Variants in TENM2 observed in about 807,000 individuals in gnomAD.
TENM2 encodes teneurin transmembrane protein 2.
A neutral mutation model predicts 245.2 loss-of-function variants in TENM2; 52 were observed. The ratio of observed to expected loss-of-function variants is 0.21; its 90% CI spans 0.17 to 0.27. TENM2 has a LOEUF of 0.27. Ranked by LOEUF, TENM2 falls within the 10% of genes least tolerant of loss-of-function variation. The pLI is 1.00. For synonymous variants in TENM2, 1,363 were observed against 1,438.9 expected (o/e 0.95, Z 1.19); for missense variants, 3,046 against 3,666.8 (o/e 0.83, Z 4.37).
intron 1 of TENM2, among the ~76,000 whole-genome samples, chr5:167,346,923 C>T (rs181460306): frequency 6.6e-5 from 10 of 152,140 alleles, no homozygotes; most frequent in South Asian, 6.2e-4. Flanking sequence ...TACAGGTGTA[C>T]GCCTCCACAC....
At chr5:168,127,323 T>C (rs554853805) in intron 12 of TENM2, among the ~76,000 whole-genome samples, 1 of 152,326 alleles carries the variant, frequency 6.6e-6, no homozygotes, top group South Asian at 2.1e-4. Context: ...CTCAGCTGGC[T>C]GGATCACTGG....
intron 2 of TENM2, among the ~76,000 whole-genome samples, chr5:167,733,212 C>T (rs1161596200): frequency 1.3e-5 from 2 of 152,120 alleles, no homozygotes; most frequent in Admixed American, 1.3e-4. Flanking sequence ...CTCCTCATCT[C>T]CTTGCCAATA....
intron 2 of TENM2, among the ~76,000 whole-genome samples, chr5:167,577,281 C>T (rs1434635604): frequency 1.3e-5 from 2 of 152,170 alleles, no homozygotes; most frequent in African/African-American, 4.8e-5. Flanking sequence ...ATTACAAAAG[C>T]ACTTGCAGAC....
At chr5:168,080,945 G>C (rs4976568) in intron 7 of TENM2, among the ~76,000 whole-genome samples, 11,214 of 152,194 alleles carry the variant, frequency 0.074, 844 homozygotes, top group East Asian at 0.33. Context: ...TGTCTATTAG[G>C]TCTACTTGGT....
At chr5:167,721,355 A>T (rs1315491614) in intron 2 of TENM2, 1 of 152,222 alleles carries the variant, frequency 6.6e-6, no homozygotes, top group African/African-American at 2.4e-5. Flanking sequence ...ATAACAGATT[A>T]CCACCAACAG....
chr5:168,222,841 G>A (rs1032633936), intron 23 of TENM2, among the ~76,000 whole-genome samples: 1 of 152,152 alleles, frequency 6.6e-6, no homozygotes, highest in Non-Finnish European at 1.5e-5. Context: ...GCTAGCATGA[G>A]TGCAAGAATT....
At chr5:167,894,495 A>G (rs1334359259) in intron 3 of TENM2, among the ~76,000 whole-genome samples, 4 of 152,134 alleles carry the variant, frequency 2.6e-5, no homozygotes, top group Non-Finnish European at 5.9e-5. Flanking sequence ...CTTTGGAAAC[A>G]TCCAAACTCT....
chr5:167,305,110 G>A (rs893689680), intron 1 of TENM2, among the ~76,000 whole-genome samples: 2 of 152,090 alleles, frequency 1.3e-5, no homozygotes, highest in Non-Finnish European at 2.9e-5. Context: ...CTTTCCCCCT[G>A]TGCGATTTCT....
chr5:167,863,775 C>G (rs1168343701), intron 2 of TENM2, among the ~76,000 whole-genome samples: 1 of 152,128 alleles, frequency 6.6e-6, no homozygotes, highest in Non-Finnish European at 1.5e-5. Context: ...AGCTAGGTAG[C>G]CACAATAAAG....
chr5:168,261,989 C>T, intron 28 of TENM2, 60 bp from the exon 31 acceptor site: 1 of 1,539,866 alleles, frequency 6.5e-7, no homozygotes, highest in South Asian at 1.2e-5. Context: ...CTTTGTGACT[C>T]TTTTTGAGAG....
At chr5:167,803,208 G>A (rs747914346) in intron 2 of TENM2, among the ~76,000 whole-genome samples, 1 of 152,072 alleles carries the variant, frequency 6.6e-6, no homozygotes, top group Non-Finnish European at 1.5e-5. Flanking sequence ...CCATTTACAC[G>A]GGAGGAAACA....
intron 2 of TENM2, among the ~76,000 whole-genome samples, chr5:167,619,479 A>T (rs945239085): frequency 6.6e-6 from 1 of 152,198 alleles, no homozygotes; most frequent in East Asian, 1.9e-4. Context: ...CATTAAAGTC[A>T]TGGTCTCTGG....
intron 23 of TENM2, among the ~76,000 whole-genome samples, chr5:168,225,867 C>G (rs1764133703): frequency 1.3e-5 from 2 of 152,040 alleles, no homozygotes; most frequent in African/African-American, 4.8e-5. Flanking sequence ...GAAATGTTTT[C>G]CAGGAGCTGA....
rs751613258 is a variant in TENM2 at position 168,047,390 on chromosome 5, A to G, written c.1187-37A>G. The G allele has an allele frequency of 8.4e-6, 13 of 1,551,248 alleles. 1 individual carries two copies. The South Asian group carries it at 1.5e-4, about 18-fold the overall frequency. ...CCCTTGACATTTGCATTGCTGAATT[A>G]TCTATTCATATTTTCATTACTTTGT... On this transcript the variant is annotated intron_variant, in intron 5 of 28. Transcript: ENST00000518659.
intron 3 of TENM2, among the ~76,000 whole-genome samples, chr5:167,930,525 A>G (rs970770959): frequency 4.6e-5 from 7 of 151,914 alleles, no homozygotes; most frequent in African/African-American, 1.7e-4. Flanking sequence ...CACAGGCTGG[A>G]GTGCAATGGC....
At chr5:167,604,359 A>G (rs1255488773) in intron 2 of TENM2, among the ~76,000 whole-genome samples, 1 of 152,142 alleles carries the variant, frequency 6.6e-6, no homozygotes, top group Admixed American at 6.5e-5. Flanking sequence ...GTGAATTACC[A>G]TTTCATTGAT....
chr5:167,499,935 T>C (rs1769075668), intron 2 of TENM2, among the ~76,000 whole-genome samples: 1 of 150,238 alleles, frequency 6.7e-6, no homozygotes, highest in Non-Finnish European at 1.5e-5. Context: ...TGTATGTGTA[T>C]GTGAGGGTGT....
rs568951809 is a variant in TENM2, at chr5:167,923,388, C to A, written c.713-29200C>A. Among the ~76,000 whole-genome samples the A allele has an allele frequency of 2.6e-5, 4 of 151,824 alleles. No homozygotes were observed. In the South Asian group the frequency reaches 8.3e-4, roughly 31 times the overall value. On this transcript the variant is annotated intron_variant, in intron 3 of 28. Coordinates refer to ENST00000518659, the Ensembl canonical transcript of TENM2. Reference sequence around the variant, plus strand: ...TTCAGGCTTTAATTTATGATCCAAGCACACCACCTGGTCTACCTGCCACCT... The same window carrying A: ...TTCAGGCTTTAATTTATGATCCAAGAACACCACCTGGTCTACCTGCCACCT...
At chr5:167,446,897 C>T (rs952450207) in intron 2 of TENM2, among the ~76,000 whole-genome samples, 10 of 151,630 alleles carry the variant, frequency 6.6e-5, no homozygotes, top group Non-Finnish European at 1.0e-4. Flanking sequence ...TGCTTGGAGC[C>T]GGAAGTTTTT....
Sources: allele counts gnomAD v4.1 joint callset (sites outside exome capture counted in the v4.1 genomes callset), GRCh38; gene constraint gnomAD v4.1.1; transcripts MANE v1.5; gene names NCBI Gene and HGNC (gene_info 2026-07-23, HGNC 2026-07-21).